Variants in GPD1L observed in about 807,000 individuals in gnomAD.
GPD1L encodes the protein glycerol-3-phosphate dehydrogenase 1 like, also known as glycerol-3-phosphate dehydrogenase 1-like protein.
A neutral mutation model predicts 32.9 loss-of-function variants in GPD1L; 17 were observed. That is an observed-to-expected ratio of 0.52 (90% confidence interval 0.35 to 0.78). GPD1L has a LOEUF of 0.78. GPD1L is among the 30% of genes least tolerant of loss of function. GPD1L has a pLI of 0.01. For missense variants in GPD1L, 361 were observed against 447.8 expected (o/e 0.81, Z 1.75); for synonymous variants, 187 against 165.9 (o/e 1.13, Z -0.98).
At chr3:32,136,589 T>C (rs570257112) in intron 2 of GPD1L, among the ~76,000 whole-genome samples, 1 of 152,312 alleles carries the variant, frequency 6.6e-6, no homozygotes, top group East Asian at 1.9e-4. Context: ...ATACATTTTC[T>C]TTGGGGAATC....
chr3:32,109,261 A>C (rs1332758825), intron 1 of GPD1L, among the ~76,000 whole-genome samples: 1 of 152,156 alleles, frequency 6.6e-6, no homozygotes, highest in Non-Finnish European at 1.5e-5. Context: ...TTAGTTTTTT[A>C]GTCTGTACAA....
chr3:32,124,995 C>T (rs1403402108), intron 1 of GPD1L, among the ~76,000 whole-genome samples: 1 of 150,674 alleles, frequency 6.6e-6, no homozygotes, highest in East Asian at 2.0e-4. Context: ...AGTCCTGGTC[C>T]TCCTCCTCCA....
intron 5 of GPD1L, among the ~76,000 whole-genome samples, chr3:32,156,812 A>C (rs957072393): frequency 6.6e-6 from 1 of 152,106 alleles, no homozygotes; most frequent in Non-Finnish European, 1.5e-5. Flanking sequence ...CTCATCCCTC[A>C]CATTTTATAG....
At chr3:32,157,085 G>A (rs186485179) in intron 5 of GPD1L, among the ~76,000 whole-genome samples, 40 of 152,208 alleles carry the variant, frequency 2.6e-4, no homozygotes, top group Admixed American at 2.5e-3. Flanking sequence ...TTCCAACTGA[G>A]TTGCCACCTG....
chr3:32,133,189 C>T (rs530340143), intron 2 of GPD1L, among the ~76,000 whole-genome samples: 26 of 152,250 alleles, frequency 1.7e-4, no homozygotes, highest in Admixed American at 1.4e-3. Flanking sequence ...GCAGCTGGAC[C>T]GTTGTTAAAC....
chr3:32,148,441 A>G (rs936395983), intron 5 of GPD1L, among the ~76,000 whole-genome samples: 2 of 152,200 alleles, frequency 1.3e-5, no homozygotes, highest in Admixed American at 6.5e-5. Flanking sequence ...TGGGGGTTGA[A>G]GGCCCTTAAT....
At chr3:32,138,749 C>T (rs1451445460) in intron 3 of GPD1L, 22 bp downstream of exon 3, 4 of 1,612,156 alleles carry the variant, frequency 2.5e-6, no homozygotes, top group Non-Finnish European at 3.4e-6. Context: ...GCATGCTGCC[C>T]AGGGCTAGAC....
intron 5 of GPD1L, among the ~76,000 whole-genome samples, chr3:32,147,497 G>A (rs1047068284): frequency 1.3e-5 from 2 of 152,036 alleles, no homozygotes; most frequent in African/African-American, 4.8e-5. Context: ...AAAGCCTTAG[G>A]CACTGTCCCT....
intron 1 of GPD1L, among the ~76,000 whole-genome samples, chr3:32,113,444 A>C (rs75919845): frequency 0.063 from 9,479 of 150,592 alleles, 306 homozygotes; most frequent in Middle Eastern, 0.11. Flanking sequence ...TAGCATCCCC[A>C]AGTCTCTCAG....
intron 7 of GPD1L, among the ~76,000 whole-genome samples, chr3:32,160,933 T>G (rs1475433682): frequency 6.6e-6 from 1 of 152,168 alleles, no homozygotes; most frequent in Non-Finnish European, 1.5e-5. Flanking sequence ...TCCTTAACTC[T>G]CCCGTAATAC....
chr3:32,144,932 G>C (rs1459336243), intron 4 of GPD1L, among the ~76,000 whole-genome samples: 1 of 151,288 alleles, frequency 6.6e-6, no homozygotes. Flanking sequence ...TCGAACTCCT[G>C]ACCTCAAGTA....
intron 4 of GPD1L, among the ~76,000 whole-genome samples, chr3:32,145,101 T>G (rs929582379): frequency 2.0e-5 from 3 of 151,206 alleles, no homozygotes; most frequent in African/African-American, 7.3e-5. Context: ...GGTGGATTGC[T>G]GGAGGTCAGG....
chr3:32,139,425 A>G (rs998778800), intron 3 of GPD1L, among the ~76,000 whole-genome samples: 6 of 152,236 alleles, frequency 3.9e-5, no homozygotes, highest in African/African-American at 1.4e-4. Flanking sequence ...CATTAATAAA[A>G]CAGTGCATAT....
chr3:32,126,624 A>T (rs1039055879), intron 1 of GPD1L, among the ~76,000 whole-genome samples: 3 of 152,222 alleles, frequency 2.0e-5, no homozygotes, highest in African/African-American at 7.2e-5. Context: ...GGAGAATTAG[A>T]TTAATGGGTA....
In GPD1L at chr3:32,106,842, C is replaced by A; in HGVS notation, c.47+84C>A. 2.3e-6 allele frequency: 3 copies of A among 1,309,306 alleles called. No individual in the cohort carries two copies. The highest frequency in any genetic ancestry group is 3.1e-6 in the Non-Finnish European group (3 of 980,152). 81.1% of individuals were successfully genotyped at this position (1,309,306 alleles called of 1,614,324 possible). On this transcript the variant is annotated intron_variant, in intron 1 of 7. Coordinates refer to ENST00000282541, the MANE Select transcript of GPD1L (RefSeq NM_015141.4). The surrounding 1 kb of genome is among the most constrained non-coding windows in gnomAD (Gnocchi z 4.0). ...GGTGAGGGCTGCGCGCCCCATGCTG[C>A]GGCGTGGGCACCGGGCACTGCGCGC...
chr3:32,148,207 G>T (rs1700860374), intron 5 of GPD1L, among the ~76,000 whole-genome samples: 1 of 152,214 alleles, frequency 6.6e-6, no homozygotes, highest in African/African-American at 2.4e-5. Flanking sequence ...GGATGTTTTT[G>T]GTGGTCATGG....
chr3:32,133,672 A>G (rs952608253), intron 2 of GPD1L, among the ~76,000 whole-genome samples: 3 of 152,200 alleles, frequency 2.0e-5, no homozygotes, highest in African/African-American at 7.2e-5. Flanking sequence ...TTTTAGTCCT[A>G]ATTGGTTTTA....
intron 7 of GPD1L, 96 bp downstream of exon 7, chr3:32,159,770 A>G: frequency 1.3e-5 from 10 of 791,752 alleles, no homozygotes; most frequent in Non-Finnish European, 2.2e-5. Context: ...CTATTTGACA[A>G]GTGCCCTTAG....
chr3:32,152,764 A>C (rs1220682413), intron 5 of GPD1L, among the ~76,000 whole-genome samples: 1 of 151,900 alleles, frequency 6.6e-6, no homozygotes, highest in Non-Finnish European at 1.5e-5. Context: ...CCTTGTCTTC[A>C]TGGTCTGTGA....
Sources: gnomAD v4.1 joint callset for allele counts (sites outside exome capture counted in the v4.1 genomes callset) on GRCh38, gnomAD v4.1.1 for gene constraint, Gnocchi (gnomAD v3.1) non-coding constraint, MANE v1.5 for transcripts, NCBI Gene and HGNC (gene_info 2026-07-23, HGNC 2026-07-21) for gene names.